LRRC4C: variants seen among roughly 807,000 people sequenced by gnomAD.
The protein encoded by LRRC4C is leucine-rich repeat-containing protein 4C.
A neutral mutation model predicts 33.6 loss-of-function variants in LRRC4C; 5 were observed. That is an observed-to-expected ratio of 0.15 (90% CI 0.08 to 0.31). The LOEUF (loss-of-function observed/expected upper bound fraction) is 0.31. Ranked by LOEUF, LRRC4C falls within the 10% of genes least tolerant of loss-of-function variation. The pLI, the probability that LRRC4C is intolerant of heterozygous loss-of-function variation, is 1.00. For missense variants in LRRC4C, 560 were observed against 796.7 expected (o/e 0.70, Z 3.58); for synonymous variants, 329 against 302.0 (o/e 1.09, Z -0.93).
chr11:40,396,146 A>G (rs1949531443), intron 3 of LRRC4C, among the ~76,000 whole-genome samples: 2 of 152,142 alleles, frequency 1.3e-5, no homozygotes, highest in Admixed American at 6.6e-5. Context: ...GAATCACATT[A>G]AGAAAGTCTA....
intron 2 of LRRC4C, among the ~76,000 whole-genome samples, chr11:40,844,894 T>C (rs7124267): frequency 0.85 from 129,068 of 152,066 alleles, 55,871 homozygotes; most frequent in East Asian, 0.99. Context: ...ATGTATGTGT[T>C]AATTACTTTG....
intron 1 of LRRC4C, among the ~76,000 whole-genome samples, chr11:41,133,634 C>G (rs1943123373): frequency 6.6e-6 from 1 of 151,810 alleles, no homozygotes; most frequent in South Asian, 2.1e-4. Context: ...CAACAACTTC[C>G]CAGCATTAAT....
At position 40,754,364 on chromosome 11, in the gene LRRC4C, C is replaced by G. The variant is rs556378696; in HGVS notation, c.-406-106086G>C. On this transcript the variant is annotated intron_variant, in intron 2 of 6. Transcript: ENST00000528697. Reference sequence around the variant, plus strand: ...GATAGGTAGATAGGTGATAAACAGACAGATTATTTTATGTAGACAATATAC... The same window carrying G: ...GATAGGTAGATAGGTGATAAACAGAGAGATTATTTTATGTAGACAATATAC... 5.3e-5 allele frequency among the ~76,000 whole-genome samples: 8 copies of G among 152,194 alleles called. No homozygotes were observed. The South Asian group carries it at 1.7e-3, about 32-fold the overall frequency.
intron 1 of LRRC4C, among the ~76,000 whole-genome samples, chr11:41,166,146 T>C (rs531688440): frequency 1.4e-4 from 22 of 151,838 alleles, no homozygotes; most frequent in Non-Finnish European, 2.9e-4. Flanking sequence ...AAAAGCATAA[T>C]GATAGTCTTT....
intron 2 of LRRC4C, among the ~76,000 whole-genome samples, chr11:40,693,341 G>T (rs970264147): frequency 6.6e-6 from 1 of 152,120 alleles, no homozygotes; most frequent in African/African-American, 2.4e-5. Flanking sequence ...ATAATGATTA[G>T]AATTCCATTT....
chr11:40,548,708 A>G (rs1304865415), intron 3 of LRRC4C, among the ~76,000 whole-genome samples: 1 of 152,138 alleles, frequency 6.6e-6, no homozygotes, highest in Admixed American at 6.6e-5. Flanking sequence ...CAGTGAAGAG[A>G]GTACGAATGG....
At chr11:41,184,944 G>T (rs1045189398) in intron 1 of LRRC4C, among the ~76,000 whole-genome samples, 1 of 152,068 alleles carries the variant, frequency 6.6e-6, no homozygotes, top group Non-Finnish European at 1.5e-5. Flanking sequence ...AATAGAGAAA[G>T]AGAGAAAGAG....
intron 1 of LRRC4C, among the ~76,000 whole-genome samples, chr11:41,049,975 A>C (rs1590356197): frequency 6.6e-6 from 1 of 152,212 alleles, no homozygotes; most frequent in South Asian, 2.1e-4. Flanking sequence ...TAAGAGCATA[A>C]TTAGCTCATC....
At chr11:40,967,065 A>G (rs1851412460) in intron 1 of LRRC4C, among the ~76,000 whole-genome samples, 1 of 152,058 alleles carries the variant, frequency 6.6e-6, no homozygotes, top group Non-Finnish European at 1.5e-5. Flanking sequence ...ACATGAAAAT[A>G]AAGACATTTA....
rs58586544 is a variant in LRRC4C, at chr11:40,426,012, A to AT, written c.-269-106292dup. Among the ~76,000 whole-genome samples, 994 of 128,624 alleles carry AT rather than the reference A, an allele frequency of 7.7e-3. 14 individuals carry two copies. The highest frequency in any genetic ancestry group is 0.03 in the Admixed American group (379 of 12,668). The allele number at this position is 128,624 out of a possible 152,430, so 84.4% of individuals were successfully genotyped here. On this transcript the variant is annotated intron_variant, in intron 3 of 6. Coordinates refer to ENST00000528697, the MANE Select transcript of LRRC4C (RefSeq NM_001258419.2). ...GTGATAACAAGAATAAGTCAGTTGCATTTTTTTTTTTTTTTTTTTGAGACA... is the reference window on the plus strand; with the variant it reads ...GTGATAACAAGAATAAGTCAGTTGCATTTTTTTTTTTTTTTTTTTTGAGACA...
intron 1 of LRRC4C, among the ~76,000 whole-genome samples, chr11:41,400,787 A>T (rs538839148): frequency 6.6e-6 from 1 of 152,008 alleles, no homozygotes; most frequent in Non-Finnish European, 1.5e-5. Flanking sequence ...TTGTTTATAA[A>T]ACAGAAAACG....
At chr11:40,868,403 A>T (rs1328983759) in intron 2 of LRRC4C, among the ~76,000 whole-genome samples, 1 of 152,172 alleles carries the variant, frequency 6.6e-6, no homozygotes, top group Non-Finnish European at 1.5e-5. Flanking sequence ...AACATCTGGA[A>T]AGTCCTGTTT....
At chr11:40,885,442 T>C (rs117256013) in intron 2 of LRRC4C, among the ~76,000 whole-genome samples, 144 of 152,166 alleles carry the variant, frequency 9.5e-4, no homozygotes, top group Middle Eastern at 3.4e-3. Context: ...TAGCCATCCA[T>C]AGCATCAAAG....
At chr11:41,342,753 T>C (rs886365981) in intron 1 of LRRC4C, among the ~76,000 whole-genome samples, 17 of 152,252 alleles carry the variant, frequency 1.1e-4, no homozygotes, top group African/African-American at 3.8e-4. Flanking sequence ...AAAACTCACT[T>C]ACAGTGTATT....
At chr11:41,359,357 G>A (rs888201446) in intron 1 of LRRC4C, among the ~76,000 whole-genome samples, 3 of 152,120 alleles carry the variant, frequency 2.0e-5, no homozygotes, top group Non-Finnish European at 4.4e-5. Context: ...AGGTGATAAT[G>A]ATGTTTCAAT....
chr11:41,397,491 T>C (rs1409014838), intron 1 of LRRC4C, among the ~76,000 whole-genome samples: 1 of 151,924 alleles, frequency 6.6e-6, no homozygotes, highest in Non-Finnish European at 1.5e-5. Context: ...ATATAATACA[T>C]ATAACATGCA....
chr11:41,271,963 C>T (rs1303267663), intron 1 of LRRC4C, among the ~76,000 whole-genome samples: 1 of 152,080 alleles, frequency 6.6e-6, no homozygotes, highest in Non-Finnish European at 1.5e-5. Flanking sequence ...TCTATTACTT[C>T]TCCTACATGT....
intron 4 of LRRC4C, among the ~76,000 whole-genome samples, chr11:40,266,825 G>A (rs947071779): frequency 1.3e-5 from 2 of 152,124 alleles, no homozygotes; most frequent in Admixed American, 6.6e-5. Context: ...TACTCAGACT[G>A]ATATTGCTTT....
chr11:41,358,552 C>T (rs984012359), intron 1 of LRRC4C, among the ~76,000 whole-genome samples: 3 of 152,104 alleles, frequency 2.0e-5, no homozygotes, highest in Non-Finnish European at 4.4e-5. Flanking sequence ...AAGAAAACAA[C>T]TCAATTAAAA....
Sources: allele counts gnomAD v4.1 joint callset (sites outside exome capture counted in the v4.1 genomes callset), GRCh38; gene constraint gnomAD v4.1.1; transcripts MANE v1.5; gene names NCBI Gene and HGNC (gene_info 2026-07-23, HGNC 2026-07-21).